Variants in ERC2 observed in about 807,000 individuals in gnomAD.
The protein encoded by ERC2 is ERC protein 2.
In ERC2, 42 loss-of-function variants were observed where a neutral mutation model predicts 114.8. The ratio of observed to expected loss-of-function variants is 0.37; its 90% CI spans 0.29 to 0.47. The LOEUF is 0.47. Ranked by LOEUF, ERC2 falls within the 20% of genes least tolerant of loss-of-function variation. The pLI is 0.99. For missense variants in ERC2, 939 were observed against 1,150.7 expected (o/e 0.82, Z 2.66); for synonymous variants, 454 against 425.5 (o/e 1.07, Z -0.82).
chr3:56,412,106 G>A (rs1233857707), intron 2 of ERC2, among the ~76,000 whole-genome samples: 2 of 152,240 alleles, frequency 1.3e-5, no homozygotes, highest in African/African-American at 4.8e-5. Context: ...CCTTATAGGA[G>A]AAAGGTAGAG....
intron 13 of ERC2, among the ~76,000 whole-genome samples, chr3:55,942,031 T>C (rs1474227954): frequency 2.0e-5 from 3 of 152,166 alleles, no homozygotes; most frequent in Non-Finnish European, 4.4e-5. Flanking sequence ...GCACAAGCCT[T>C]AGGTATAAGC....
intron 8 of ERC2, among the ~76,000 whole-genome samples, chr3:56,014,280 A>G (rs2073157635): frequency 6.6e-6 from 1 of 152,130 alleles, no homozygotes; most frequent in Non-Finnish European, 1.5e-5. Flanking sequence ...ACTACACTTC[A>G]GCAAAGCCAC....
intron 17 of ERC2, among the ~76,000 whole-genome samples, chr3:55,560,115 C>T (rs2055903401): frequency 1.3e-5 from 2 of 152,120 alleles, no homozygotes; most frequent in South Asian, 2.1e-4. Context: ...GCTTCTTGGG[C>T]CAGAGGAAAG....
chr3:55,610,269 G>A (rs1399760566), intron 17 of ERC2, among the ~76,000 whole-genome samples: 1 of 151,772 alleles, frequency 6.6e-6, no homozygotes, highest in Non-Finnish European at 1.5e-5. Flanking sequence ...AATAACCAGG[G>A]ATGGGGGCCA....
At chr3:56,077,833 G>A (rs2077046217) in intron 7 of ERC2, among the ~76,000 whole-genome samples, 1 of 152,140 alleles carries the variant, frequency 6.6e-6, no homozygotes, top group Non-Finnish European at 1.5e-5. Context: ...CTTACCATAA[G>A]CCTCAATATT....
intron 2 of ERC2, among the ~76,000 whole-genome samples, chr3:56,376,032 T>G (rs1369714230): frequency 6.6e-6 from 1 of 152,138 alleles, no homozygotes; most frequent in Non-Finnish European, 1.5e-5. Context: ...ATGGATGAGC[T>G]TAGAAGCAGA....
intron 13 of ERC2, among the ~76,000 whole-genome samples, chr3:55,934,188 G>T (rs1456483687): frequency 6.6e-6 from 1 of 152,160 alleles, no homozygotes; most frequent in Non-Finnish European, 1.5e-5. Context: ...ATGATGCTGG[G>T]AAAAAGTATA....
intron 3 of ERC2, among the ~76,000 whole-genome samples, chr3:56,227,250 G>A (rs1022960735): frequency 6.6e-6 from 1 of 152,086 alleles, no homozygotes; most frequent in Non-Finnish European, 1.5e-5. Flanking sequence ...GAGCTCAAAT[G>A]TAATTGGTGA....
At chr3:55,749,810 C>T (rs1378458863) in intron 14 of ERC2, among the ~76,000 whole-genome samples, 2 of 152,170 alleles carry the variant, frequency 1.3e-5, no homozygotes, top group African/African-American at 2.4e-5. Context: ...CACAATAAAC[C>T]TTGCTACTGC....
At chr3:55,552,507 A>G (rs1213156472) in intron 17 of ERC2, among the ~76,000 whole-genome samples, 1 of 152,270 alleles carries the variant, frequency 6.6e-6, no homozygotes, top group South Asian at 2.1e-4. Context: ...CCATGTTTAC[A>G]AGCTGCGTAA....
chr3:55,525,978 A>G (rs1213478654), intron 17 of ERC2, among the ~76,000 whole-genome samples: 1 of 152,232 alleles, frequency 6.6e-6, no homozygotes, highest in African/African-American at 2.4e-5. Flanking sequence ...TTGCAGATAT[A>G]TTTGAATTAA....
chr3:56,336,407 C>CT (rs1419434583), intron 2 of ERC2, among the ~76,000 whole-genome samples: 1 of 152,160 alleles, frequency 6.6e-6, no homozygotes, highest in Non-Finnish European at 1.5e-5. Context: ...TTCGAGCAGT[C>CT]TAAGTCTTTT....
intron 2 of ERC2, among the ~76,000 whole-genome samples, chr3:56,357,470 A>G (rs551700370): frequency 1.2e-4 from 18 of 152,248 alleles, no homozygotes; most frequent in African/African-American, 4.3e-4. Context: ...TACAGCCTGC[A>G]TAGGCCCAGG....
intron 12 of ERC2, among the ~76,000 whole-genome samples, chr3:55,955,490 C>A (rs9311590): frequency 6.6e-6 from 1 of 151,884 alleles, no homozygotes; most frequent in Non-Finnish European, 1.5e-5. Flanking sequence ...GGAATCATAT[C>A]GTACATAACC....
chr3:55,592,395 T>A (rs2057934415), intron 17 of ERC2, among the ~76,000 whole-genome samples: 1 of 152,146 alleles, frequency 6.6e-6, no homozygotes. Context: ...ATCTCTCCCC[T>A]CTGCCCTCTC....
chr3:55,727,452 C>T (rs370671247), intron 15 of ERC2, among the ~76,000 whole-genome samples: 1 of 152,012 alleles, frequency 6.6e-6, no homozygotes, highest in Admixed American at 6.6e-5. Context: ...AGAATCAATC[C>T]TTTATCTTTT....
chr3:55,886,185 C>A (rs557403036), intron 14 of ERC2, among the ~76,000 whole-genome samples: 1 of 152,156 alleles, frequency 6.6e-6, no homozygotes, highest in South Asian at 2.1e-4. Context: ...AATCAATGGA[C>A]CCATATTGCT....
intron 13 of ERC2, among the ~76,000 whole-genome samples, chr3:55,935,303 C>T (rs1177884883): frequency 6.6e-6 from 1 of 152,170 alleles, no homozygotes; most frequent in Non-Finnish European, 1.5e-5. Flanking sequence ...ATACCAGTTC[C>T]ACGGGGTGAT....
intron 3 of ERC2, among the ~76,000 whole-genome samples, chr3:56,208,507 C>A (rs1345942894): frequency 6.6e-6 from 1 of 152,170 alleles, no homozygotes; most frequent in Non-Finnish European, 1.5e-5. Context: ...TTTGCCCTAT[C>A]TTATTAATTT....
Sources: allele counts gnomAD v4.1 joint callset (sites outside exome capture counted in the v4.1 genomes callset), GRCh38; gene constraint gnomAD v4.1.1; transcripts MANE v1.5; gene names NCBI Gene and HGNC (gene_info 2026-07-23, HGNC 2026-07-21).